The following KCTD3 variants were observed in gnomAD, a reference collection of about 807,000 sequenced individuals.
The protein encoded by KCTD3 is BTB/POZ domain-containing protein KCTD3.
In KCTD3, 41 loss-of-function variants were observed where a neutral mutation model predicts 85.8. That is an observed-to-expected ratio of 0.48 (90% CI 0.37 to 0.62). The LOEUF is 0.62. KCTD3 is among the 20% of genes least tolerant of loss of function. The probability of loss-of-function intolerance (pLI) is 0.00; values close to 1 mark genes in which losing one functional copy is unlikely to be tolerated. For synonymous variants in KCTD3, 338 were observed against 345.4 expected, an observed-to-expected ratio of 0.98 and a Z score of 0.24; for missense variants, 724 against 989.9, an observed-to-expected ratio of 0.73 and a Z score of 3.60.
chr1:215,605,426 G>T (rs1252974770), intron 13 of KCTD3, among the ~76,000 whole-genome samples: 3 of 152,030 alleles, frequency 2.0e-5, no homozygotes, highest in African/African-American at 4.8e-5. Context: ...ACTCTTGCTG[G>T]TTCCTCATCT....
chr1:215,619,927 A>G, intron 17 of KCTD3, 130 bp from the exon 18 acceptor site: 2 of 580,134 alleles, frequency 3.4e-6, no homozygotes, highest in Admixed American at 7.5e-5. Flanking sequence ...GTATATTTTT[A>G]CAAAGAGAAA....
chr1:215,610,784 A>T (rs139278195), intron 14 of KCTD3, among the ~76,000 whole-genome samples: 16 of 152,014 alleles, frequency 1.1e-4, no homozygotes, highest in African/African-American at 3.9e-4. Context: ...TCATCTGTAA[A>T]ATGGAGATGG....
intron 8 of KCTD3, chr1:215,580,938 A>G (rs1320146975): frequency 2.1e-6 from 1 of 467,136 alleles, no homozygotes; most frequent in East Asian, 7.1e-5. Flanking sequence ...TTTTCCTTGT[A>G]GTAATGATTA....
intron 9 of KCTD3, among the ~76,000 whole-genome samples, chr1:215,593,895 C>T (rs1057282675): frequency 5.3e-5 from 7 of 131,554 alleles, no homozygotes; most frequent in African/African-American, 3.0e-5. Flanking sequence ...GTGTCTTGCT[C>T]TGTCACCCAG....
chr1:215,587,200 G>A (rs947495560), intron 9 of KCTD3, among the ~76,000 whole-genome samples: 2 of 150,764 alleles, frequency 1.3e-5, no homozygotes. Flanking sequence ...CATGATCTCA[G>A]CTCACTGCAA....
intron 10 of KCTD3, among the ~76,000 whole-genome samples, chr1:215,600,774 T>C (rs1654799809): frequency 6.6e-6 from 1 of 151,724 alleles, no homozygotes; most frequent in Non-Finnish European, 1.5e-5. Context: ...TTATTGGAAA[T>C]CTTTTAGACT....
intron 6 of KCTD3, 129 bp downstream of exon 6, chr1:215,578,210 AC>A (rs1335458832): frequency 6.5e-6 from 5 of 769,254 alleles, no homozygotes; most frequent in Admixed American, 5.5e-5. Context: ...AATGGTAAGA[AC>A]TTTTGATTTT....
chr1:215,613,934 C>T (rs1382058411), intron 15 of KCTD3, among the ~76,000 whole-genome samples: 1 of 149,012 alleles, frequency 6.7e-6, no homozygotes, highest in African/African-American at 2.5e-5. Context: ...GGTAGTGTGA[C>T]GTCTCTGGCT....
chr1:215,613,049 T>C (rs1050409646), intron 15 of KCTD3, among the ~76,000 whole-genome samples: 7 of 152,052 alleles, frequency 4.6e-5, no homozygotes, highest in Non-Finnish European at 5.9e-5. Flanking sequence ...GTTTAATACC[T>C]AGGTGATGGG....
In KCTD3 at chr1:215,573,786, A is replaced by G; in HGVS notation, c.84A>G (p.Arg28=). Residue 28 remains arginine, a splice_region_variant and synonymous_variant, in exon 2 of 18, where the codon AGA becomes AGG. Transcript: ENST00000259154. ...EIVQLNVGGT[R]FSTSRQTLMW... is the part of the protein sequence containing the mutation. ...AATACCAGATGATTTTTAATTGCAG[A>G]TTTAGTACCTCAAGACAAACTCTTA... The G allele has an allele frequency of 5.8e-6, 9 of 1,564,922 alleles. No individual in the cohort carries two copies. The highest frequency in any genetic ancestry group is 1.8e-5 in the Admixed American group (1 of 56,668).
At chr1:215,576,501 G>A (rs968572114) in intron 4 of KCTD3, among the ~76,000 whole-genome samples, 34 of 152,004 alleles carry the variant, frequency 2.2e-4, no homozygotes, top group African/African-American at 7.5e-4. Context: ...CCTTGAGGCC[G>A]GGAGTTTGAG....
rs200281298 is a variant in KCTD3 at position 215,602,774 on chromosome 1, G to GAGTTCTA, written c.1138+576_1138+582dup. 2.4e-3 allele frequency among the ~76,000 whole-genome samples: 359 copies of GAGTTCTA among 152,194 alleles called. 8 individuals carry two copies. Among genetic ancestry groups the GAGTTCTA allele is most frequent in the East Asian group, 8.7e-3 (45 of 5,182 alleles). On this transcript the variant is annotated intron_variant, in intron 12 of 17. Coordinates refer to ENST00000259154, the MANE Select transcript of KCTD3 (RefSeq NM_016121.5). ...ATTTAAAATTTATCTGTAATGAAAGGAGTTCTAAGAAACAATTTGTATTCA... is the reference window on the plus strand; with the variant it reads ...ATTTAAAATTTATCTGTAATGAAAGGAGTTCTAAGTTCTAAGAAACAATTTGTATTCA...
At chr1:215,618,604 G>A (rs1036008057) in intron 15 of KCTD3, 1 of 263,890 alleles carries the variant, frequency 3.8e-6, no homozygotes, top group Non-Finnish European at 7.0e-6. Context: ...TCTCTCTCAG[G>A]TTCTTTTATC....
At chr1:215,591,360 T>C (rs1000423609) in intron 9 of KCTD3, among the ~76,000 whole-genome samples, 6 of 149,612 alleles carry the variant, frequency 4.0e-5, no homozygotes, top group African/African-American at 1.5e-4. Flanking sequence ...CTTTCTCTCT[T>C]TCTTCTCTTT....
Position 215,573,782 on chromosome 1 carries a change from GC to G in KCTD3, c.84-3del. Reference sequence around the variant, plus strand: ...TTATAATACCAGATGATTTTTAATTGCAGATTTAGTACCTCAAGACAAACTC... The same window carrying G: ...TTATAATACCAGATGATTTTTAATTGAGATTTAGTACCTCAAGACAAACTC... On this transcript the variant is annotated splice_polypyrimidine_tract_variant and splice_region_variant and intron_variant, in intron 1 of 17. Coordinates refer to ENST00000259154, the MANE Select transcript of KCTD3 (RefSeq NM_016121.5). 2 of 1,550,258 alleles carry G rather than the reference GC, an allele frequency of 1.3e-6. No homozygotes were observed. The highest frequency in any genetic ancestry group is 1.8e-6 in the Non-Finnish European group (2 of 1,134,112).
intron 17 of KCTD3, 56 bp downstream of exon 17, chr1:215,619,347 C>T: frequency 7.0e-7 from 1 of 1,420,852 alleles, no homozygotes; most frequent in Non-Finnish European, 9.8e-7. Context: ...GGGAAATTGA[C>T]TGAAATATTG....
chr1:215,610,954 A>G (rs926159327), intron 14 of KCTD3, among the ~76,000 whole-genome samples: 2 of 152,018 alleles, frequency 1.3e-5, no homozygotes, highest in Admixed American at 6.6e-5. Context: ...TTCATGTAAC[A>G]TAACGGGATA....
chr1:215,574,014 A>T, intron 2 of KCTD3, 59 bp from the exon 3 acceptor site: 1 of 1,253,628 alleles, frequency 8.0e-7, no homozygotes, highest in Non-Finnish European at 1.2e-6. Context: ...GTAAAGAATT[A>T]GCACATTTGT....
At chr1:215,591,142 T>C (rs1466582821) in intron 9 of KCTD3, among the ~76,000 whole-genome samples, 1 of 152,210 alleles carries the variant, frequency 6.6e-6, no homozygotes, top group African/African-American at 2.4e-5. Context: ...CTACTTTTAT[T>C]GAGTTGGAAC....
Sources: gnomAD v4.1 joint callset for allele counts (sites outside exome capture counted in the v4.1 genomes callset) on GRCh38, gnomAD v4.1.1 for gene constraint, MANE v1.5 for transcripts, NCBI Gene and HGNC (gene_info 2026-07-23, HGNC 2026-07-21) for gene names.